Variants in CATIP observed in about 807,000 individuals in gnomAD.
CATIP encodes ciliogenesis-associated TTC17-interacting protein.
Under a neutral mutation model 42.5 loss-of-function variants are expected in CATIP, and 40 were observed. That is an observed-to-expected ratio of 0.94 (90% confidence interval 0.73 to 1.22). The LOEUF is 1.22. Among genes scored for constraint, CATIP ranks in the 50% most tolerant of loss-of-function variants. CATIP has a pLI of 0.00. For missense variants in CATIP, 489 were observed against 496.0 expected (o/e 0.99, Z 0.13); for synonymous variants, 222 against 200.2 (o/e 1.11, Z -0.92).
intron 7 of CATIP, among the ~76,000 whole-genome samples, chr2:218,365,060 G>A (rs1372263980): frequency 1.3e-5 from 2 of 152,144 alleles, no homozygotes; most frequent in Non-Finnish European, 2.9e-5. Flanking sequence ...TCACTGTGCT[G>A]GAAGAATTGC....
chr2:218,363,336 A>G (rs76143952), intron 6 of CATIP, among the ~76,000 whole-genome samples: 1 of 151,202 alleles, frequency 6.6e-6, no homozygotes, highest in East Asian at 2.0e-4. Flanking sequence ...AAAAAAAAAA[A>G]TCAGCGGGGC....
rs762116713 is a variant in CATIP at position 218,356,910 on chromosome 2, G to A, written c.25+1G>A. The A allele has an allele frequency of 1.2e-5, 19 of 1,613,996 alleles. No homozygotes were observed. Among genetic ancestry groups the A allele is most frequent in the Middle Eastern group, 1.6e-4 (1 of 6,084 alleles). ...ATGTCCTCCAAGGTTTACTCCACAG[G>A]TGGGAAGAGGACTGCTGGGGCTGGA... On this transcript the variant is annotated splice_donor_variant, in intron 1 of 9. Coordinates refer to ENST00000289388, the MANE Select transcript of CATIP (RefSeq NM_198559.2). LOFTEE classifies it high-confidence loss of function.
Position 218,360,627 on chromosome 2 carries a change from C to T in CATIP, c.430C>T (p.Leu144=). 1 of 1,613,994 alleles carries T rather than the reference C, an allele frequency of 6.2e-7. No individual in the cohort carries two copies. Among genetic ancestry groups the T allele is most frequent in the Non-Finnish European group, 8.5e-7 (1 of 1,179,976 alleles). The change falls in exon 5 of 10, where the codon CTG becomes TTG. Residue 144 remains leucine (L), a synonymous_variant. Transcript: ENST00000289388. ...GAGTTTGCTGAAGCAGGATGATCAG[C>T]TGGCTGTGACCAGAAGTATCAAGGA... is the stretch of plus-strand genomic sequence containing the variant. ...KMSLLKQDDQ[L]AVTRSIKEGE... is the part of the protein sequence containing the mutation.
chr2:218,366,542 C>A, intron 7 of CATIP: 1 of 177,810 alleles, frequency 5.6e-6, no homozygotes, highest in South Asian at 9.5e-5. Flanking sequence ...AAATGAACAC[C>A]ACCCAGGAAC....
intron 9 of CATIP, 64 bp from the exon 10 acceptor site, chr2:218,367,658 G>A: frequency 6.3e-7 from 1 of 1,579,112 alleles, no homozygotes; most frequent in Non-Finnish European, 8.6e-7. Context: ...TGGAGCGAGC[G>A]GCTGGGGGCT....
chr2:218,357,360 C>T (rs1695063824), intron 2 of CATIP, 173 bp downstream of exon 2: 1 of 709,240 alleles, frequency 1.4e-6, no homozygotes, highest in Non-Finnish European at 2.3e-6. Flanking sequence ...GGAAGGCCCC[C>T]CGGGGACATG....
chr2:218,358,473 A>G (rs1695115117), intron 4 of CATIP, among the ~76,000 whole-genome samples: 2 of 152,120 alleles, frequency 1.3e-5, no homozygotes, highest in South Asian at 4.1e-4. Context: ...AGGCAGGAGA[A>G]TCGCTTGAAC....
chr2:218,366,873 G>A (rs931552019), intron 7 of CATIP, 151 bp from the exon 8 acceptor site: 9 of 682,778 alleles, frequency 1.3e-5, no homozygotes, highest in Non-Finnish European at 2.1e-5. Context: ...TATCTGATTC[G>A]GGCCCCACCC....
At chr2:218,357,779 A>C in intron 3 of CATIP, 45 bp downstream of exon 3, 4 of 1,556,534 alleles carry the variant, frequency 2.6e-6, no homozygotes, top group Non-Finnish European at 3.5e-6. Context: ...CCCTTCCTCC[A>C]ACCCTCCCCT....
At chr2:218,357,856 C>CG (rs918456652) in intron 3 of CATIP, 122 bp downstream of exon 3, 1 of 1,168,166 alleles carries the variant, frequency 8.6e-7, no homozygotes, top group Non-Finnish European at 1.3e-6. Context: ...GGACAAGGCA[C>CG]GGGGTGGGAG....
rs192447614 is a variant in CATIP, at chr2:218,357,250, G to T, written c.118+63G>T. The T allele has an allele frequency of 2.7e-5, 22 of 829,306 alleles. No homozygotes were observed. In the East Asian group the frequency reaches 4.1e-4, roughly 15 times the overall value. 51.4% of individuals were successfully genotyped at this position (829,306 alleles called of 1,614,324 possible). A position where few individuals can be genotyped will look rare whatever the true frequency, so the allele number is the denominator to read the frequency against. ...GGGTGCAAGTCTGGAGAGGAGGGAA[G>T]AAAGTCCAGTCTCTCTCTCTCTCTC... is the stretch of plus-strand genomic sequence containing the variant. On this transcript the variant is annotated intron_variant, in intron 2 of 9. Transcript: ENST00000289388.
At chr2:218,359,030 C>T (rs1695142835) in intron 4 of CATIP, among the ~76,000 whole-genome samples, 1 of 151,776 alleles carries the variant, frequency 6.6e-6, no homozygotes, top group African/African-American at 2.4e-5. Context: ...CATGGAGAAA[C>T]CCTGTCTCTA....
At chr2:218,362,065 G>A (rs1036179980) in intron 5 of CATIP, among the ~76,000 whole-genome samples, 3 of 151,704 alleles carry the variant, frequency 2.0e-5, no homozygotes, top group Non-Finnish European at 4.4e-5. Context: ...CCATATGACC[G>A]GCTGAAGGCC....
At chr2:218,362,710 C>T (rs1194834094) in intron 5 of CATIP, 25 bp from the exon 6 acceptor site, 1 of 1,607,796 alleles carries the variant, frequency 6.2e-7, no homozygotes, top group Non-Finnish European at 8.5e-7. Flanking sequence ...GTTCCAGGAC[C>T]CTGACCCAGA....
intron 8 of CATIP, 119 bp from the exon 9 acceptor site, chr2:218,367,311 T>C (rs1695484286): frequency 3.1e-6 from 3 of 970,744 alleles, no homozygotes; most frequent in Non-Finnish European, 4.9e-6. Flanking sequence ...ACTCTGCCCA[T>C]GTGGGCAGAA....
intron 5 of CATIP, among the ~76,000 whole-genome samples, chr2:218,361,966 G>T (rs1215720493): frequency 6.6e-6 from 1 of 151,920 alleles, no homozygotes; most frequent in Non-Finnish European, 1.5e-5. Context: ...CTTGAGCCTA[G>T]GAGTTCGAGA....
chr2:218,362,678 T>C (rs2106314019), intron 5 of CATIP, 57 bp from the exon 6 acceptor site: 1 of 1,554,444 alleles, frequency 6.4e-7, no homozygotes, highest in African/African-American at 1.4e-5. Context: ...TTGCCCACCC[T>C]CCTGTCCCCT....
intron 4 of CATIP, among the ~76,000 whole-genome samples, chr2:218,360,289 C>G (rs1024413218): frequency 1.3e-5 from 2 of 151,930 alleles, no homozygotes; most frequent in Non-Finnish European, 2.9e-5. Flanking sequence ...GTAGCTGAGA[C>G]TACAGGCATG....
rs140677940 is a variant in CATIP, at chr2:218,359,341, C to CAAAAAAAAAAAAA, written c.376-1221_376-1209dup. ...TGGGCAACAGAGCGAGACTCTGTCT[C>CAAAAAAAAAAAAA]AAAAAAAAAAAAAAAAAAAAAAATG... On this transcript the variant is annotated intron_variant, in intron 4 of 9. Transcript: ENST00000289388. 1.6e-3 allele frequency among the ~76,000 whole-genome samples: 127 copies of CAAAAAAAAAAAAA among 79,690 alleles called. 3 individuals carry two copies. The highest frequency in any genetic ancestry group is 6.2e-3 in the African/African-American group (121 of 19,398). 52.3% of individuals were successfully genotyped at this position (79,690 alleles called of 152,430 possible).
Sources: allele counts gnomAD v4.1 joint callset (sites outside exome capture counted in the v4.1 genomes callset), GRCh38; gene constraint gnomAD v4.1.1; transcripts MANE v1.5; gene names NCBI Gene and HGNC (gene_info 2026-07-23, HGNC 2026-07-21).